PHACTR1: variants seen among roughly 807,000 people sequenced by gnomAD.
PHACTR1 encodes RPEL repeat containing 1.
A neutral mutation model predicts 69.2 loss-of-function variants in PHACTR1; 16 were observed. The observed-to-expected ratio is 0.23, with a 90% CI of 0.16 to 0.35. The LOEUF (loss-of-function observed/expected upper bound fraction) is 0.35. Ranked by LOEUF, PHACTR1 falls within the 10% of genes least tolerant of loss-of-function variation. The probability of loss-of-function intolerance (pLI) is 1.00; values close to 1 mark genes in which losing one functional copy is unlikely to be tolerated. For missense variants in PHACTR1, 510 were observed against 734.7 expected (o/e 0.69, Z 3.54); for synonymous variants, 312 against 284.5 (o/e 1.10, Z -0.97).
At chr6:13,160,137 A>G in intron 5 of PHACTR1, 67 bp from the exon 6 acceptor site, 8 of 1,367,538 alleles carry the variant, frequency 5.8e-6, no homozygotes, top group Non-Finnish European at 8.4e-6. Context: ...GTGTTAACAT[A>G]GGATCCTTTA....
At chr6:12,874,139 C>A (rs954943082) in intron 4 of PHACTR1, among the ~76,000 whole-genome samples, 1 of 152,136 alleles carries the variant, frequency 6.6e-6, no homozygotes, top group Non-Finnish European at 1.5e-5. Context: ...ACTGGGTGGG[C>A]CTAAAGTTCT....
intron 10 of PHACTR1, among the ~76,000 whole-genome samples, chr6:13,265,326 T>A (rs1261374308): frequency 6.8e-6 from 1 of 147,576 alleles, no homozygotes; most frequent in Non-Finnish European, 1.5e-5. Context: ...GCCATACCTA[T>A]CATCTTACTG....
chr6:12,939,443 G>A (rs1052792447), intron 4 of PHACTR1, among the ~76,000 whole-genome samples: 18 of 152,114 alleles, frequency 1.2e-4, no homozygotes, highest in Non-Finnish European at 2.2e-4. Context: ...TCCCTGGTTT[G>A]TACTCTGTCT....
At chr6:13,241,353 A>T (rs1357428021) in intron 10 of PHACTR1, among the ~76,000 whole-genome samples, 1 of 152,106 alleles carries the variant, frequency 6.6e-6, no homozygotes, top group African/African-American at 2.4e-5. Context: ...ATCCCCTGGG[A>T]ATTTGTTGAA....
Position 13,253,737 on chromosome 6 carries a change from G to A in PHACTR1, c.1392-19123G>A, listed in dbSNP as rs543823049. ...ACAGTGGTGGGCATGTTCGGTGGGT[G>A]TATCCTGGGTCCACCAGCAGTCTCC... On this transcript the variant is annotated intron_variant, in intron 10 of 14. Transcript: ENST00000332995. Among the ~76,000 whole-genome samples, 8 of 152,330 alleles carry A rather than the reference G, an allele frequency of 5.3e-5. 1 individual carries two copies. The highest frequency in any genetic ancestry group is 1.7e-4 in the African/African-American group (7 of 41,576).
chr6:12,845,573 G>A (rs1779180768), intron 4 of PHACTR1, among the ~76,000 whole-genome samples: 1 of 151,978 alleles, frequency 6.6e-6, no homozygotes, highest in South Asian at 2.1e-4. Flanking sequence ...CTAATGTGCT[G>A]AGATTATTAT....
chr6:13,121,397 G>T (rs764748656), intron 5 of PHACTR1, among the ~76,000 whole-genome samples: 2 of 151,992 alleles, frequency 1.3e-5, no homozygotes, highest in Non-Finnish European at 2.9e-5. Context: ...TCTGTAAAAT[G>T]GTAATATAGT....
At chr6:12,755,779 C>T (rs896871802) in intron 4 of PHACTR1, among the ~76,000 whole-genome samples, 1 of 152,140 alleles carries the variant, frequency 6.6e-6, no homozygotes, top group African/African-American at 2.4e-5. Flanking sequence ...TTAACCTGTT[C>T]TCCTTTATAA....
At chr6:12,761,512 C>T (rs1385537161) in intron 4 of PHACTR1, among the ~76,000 whole-genome samples, 1 of 152,186 alleles carries the variant, frequency 6.6e-6, no homozygotes, top group Non-Finnish European at 1.5e-5. Context: ...GAGTCACAGA[C>T]ATTTTTAACT....
At chr6:13,121,668 A>G (rs932209004) in intron 5 of PHACTR1, among the ~76,000 whole-genome samples, 1 of 152,202 alleles carries the variant, frequency 6.6e-6, no homozygotes, top group Non-Finnish European at 1.5e-5. Context: ...ATGATCTGAC[A>G]TGGTTTCCAG....
chr6:12,904,819 G>A (rs531875414), intron 4 of PHACTR1, among the ~76,000 whole-genome samples: 2 of 152,220 alleles, frequency 1.3e-5, no homozygotes, highest in South Asian at 2.1e-4. Flanking sequence ...CAATCTCATC[G>A]CTGCTGCTTC....
At chr6:12,722,549 G>C (rs1231929905) in intron 3 of PHACTR1, among the ~76,000 whole-genome samples, 2 of 152,162 alleles carry the variant, frequency 1.3e-5, no homozygotes, top group African/African-American at 4.8e-5. Flanking sequence ...GAGGAATCCA[G>C]GAGGGTGAGA....
At chr6:13,029,632 G>A (rs902511117) in intron 4 of PHACTR1, among the ~76,000 whole-genome samples, 7 of 152,238 alleles carry the variant, frequency 4.6e-5, no homozygotes, top group African/African-American at 7.2e-5. Context: ...TAGGAGTACA[G>A]TGTTGAGTTG....
At chr6:13,015,286 G>A (rs369437203) in intron 4 of PHACTR1, among the ~76,000 whole-genome samples, 1 of 152,202 alleles carries the variant, frequency 6.6e-6, no homozygotes, top group African/African-American at 2.4e-5. Context: ...TAAACTGCAA[G>A]AGAGGTTGTG....
chr6:12,772,644 TG>T (rs1373240344), intron 4 of PHACTR1, among the ~76,000 whole-genome samples: 2 of 152,194 alleles, frequency 1.3e-5, no homozygotes, highest in African/African-American at 4.8e-5. Context: ...TGACTTTTTT[TG>T]TGAGATAAAT....
chr6:13,287,197 T>A lies in PHACTR1; in HGVS notation c.*119T>A, dbSNP rs545091418. 2.4e-4 allele frequency: 248 copies of A among 1,020,122 alleles called. No homozygotes were observed. Among genetic ancestry groups the A allele is most frequent in the African/African-American group, 4.7e-4 (28 of 59,760 alleles). The allele number at this position is 1,020,122 out of a possible 1,614,324, so 63.2% of individuals were successfully genotyped here. On this transcript the variant is annotated 3_prime_UTR_variant, in exon 15 of 15. Transcript: ENST00000332995. ...TAAATCTTCTGAACTGCCTTTTTTT[T>A]AAAAAGAAGAAAAATCAAGGAAACA...
intron 4 of PHACTR1, among the ~76,000 whole-genome samples, chr6:12,862,559 G>T (rs1369668267): frequency 6.6e-6 from 1 of 152,120 alleles, no homozygotes; most frequent in Non-Finnish European, 1.5e-5. Context: ...GACAAGAGAA[G>T]AATGATCAGT....
At chr6:13,210,369 A>G (rs959087634) in intron 8 of PHACTR1, among the ~76,000 whole-genome samples, 2 of 152,174 alleles carry the variant, frequency 1.3e-5, no homozygotes, top group Non-Finnish European at 2.9e-5. Context: ...GCACTAAACA[A>G]TGGCGTGGTT....
At chr6:13,258,658 T>G (rs1775513772) in intron 10 of PHACTR1, among the ~76,000 whole-genome samples, 1 of 152,216 alleles carries the variant, frequency 6.6e-6, no homozygotes, top group Non-Finnish European at 1.5e-5. Flanking sequence ...AATCTCAGTC[T>G]TTTCCTTTGA....
Sources: gnomAD v4.1 joint callset for allele counts (sites outside exome capture counted in the v4.1 genomes callset) on GRCh38, gnomAD v4.1.1 for gene constraint, MANE v1.5 for transcripts, NCBI Gene and HGNC (gene_info 2026-07-23, HGNC 2026-07-21) for gene names.